Variants in ASTN2 observed in about 807,000 individuals in gnomAD.
ASTN2 encodes astrotactin-2.
ASTN2 carries 54 observed loss-of-function variants against 139.8 expected under a neutral mutation model. The ratio of observed to expected loss-of-function variants is 0.39; its 90% CI spans 0.31 to 0.48. The LOEUF (loss-of-function observed/expected upper bound fraction) is 0.48, where lower values mean the gene tolerates loss of function less well. ASTN2 is among the 20% of genes least tolerant of loss of function. The pLI, the probability that ASTN2 is intolerant of heterozygous loss-of-function variation, is 0.95. For synonymous variants in ASTN2, 756 were observed against 719.5 expected (o/e 1.05, Z -0.81); for missense variants, 1,565 against 1,725.1 (o/e 0.91, Z 1.64).
intron 19 of ASTN2, among the ~76,000 whole-genome samples, chr9:116,538,222 G>A (rs1460884812): frequency 1.3e-5 from 2 of 151,548 alleles, no homozygotes; most frequent in Non-Finnish European, 2.9e-5. Context: ...GAGGGAAGAA[G>A]GGACTGAGAG....
chr9:116,545,393 C>A (rs980049557), intron 19 of ASTN2, among the ~76,000 whole-genome samples: 1 of 152,206 alleles, frequency 6.6e-6, no homozygotes, highest in Admixed American at 6.5e-5. Context: ...ATATTCAATT[C>A]TTTTTCATTT....
chr9:116,624,621 A>G (rs887668403), intron 17 of ASTN2, among the ~76,000 whole-genome samples: 1 of 152,210 alleles, frequency 6.6e-6, no homozygotes, highest in African/African-American at 2.4e-5. Context: ...CACTAAGCCC[A>G]TGAATTAAAT....
intron 20 of ASTN2, among the ~76,000 whole-genome samples, chr9:116,446,610 TTA>T (rs1848007321): frequency 6.6e-6 from 1 of 152,196 alleles, no homozygotes; most frequent in Non-Finnish European, 1.5e-5. Flanking sequence ...CCAAGTCTAC[TTA>T]TGGGATGCTT....
intron 3 of ASTN2, among the ~76,000 whole-genome samples, chr9:117,206,016 G>A (rs1221364744): frequency 6.6e-6 from 1 of 152,198 alleles, no homozygotes; most frequent in African/African-American, 2.4e-5. Flanking sequence ...GGAGCAAGAG[G>A]TATTAGTCAT....
rs1251479559 is a variant in ASTN2 at position 117,032,954 on chromosome 9, A to G, written c.1423+6865T>C. ...AACCATTTAAAATAACCTGAATAAAAAGACATTTTAGCATAGGTATTTTGA... is the reference window on the plus strand; with the variant it reads ...AACCATTTAAAATAACCTGAATAAAGAGACATTTTAGCATAGGTATTTTGA... On this transcript the variant is annotated intron_variant, in intron 6 of 22. Coordinates refer to ENST00000313400, the MANE Select transcript of ASTN2 (RefSeq NM_001365068.1). 3.3e-5 allele frequency among the ~76,000 whole-genome samples: 5 copies of G among 152,272 alleles called. No individual in the cohort carries two copies. In the East Asian group the frequency reaches 9.6e-4, roughly 29 times the overall value.
intron 16 of ASTN2, among the ~76,000 whole-genome samples, chr9:116,687,828 C>T (rs894720309): frequency 7.9e-5 from 12 of 151,746 alleles, no homozygotes; most frequent in Admixed American, 7.9e-4. Flanking sequence ...CTGGCAAGGA[C>T]AGGGTCTGAG....
intron 10 of ASTN2, among the ~76,000 whole-genome samples, chr9:116,923,270 G>A (rs912281221): frequency 6.6e-6 from 1 of 152,174 alleles, no homozygotes; most frequent in African/African-American, 2.4e-5. Context: ...AACATCTGGA[G>A]GTTATCACCA....
chr9:117,249,272 C>A (rs1336768435), intron 2 of ASTN2, among the ~76,000 whole-genome samples: 3 of 152,152 alleles, frequency 2.0e-5, no homozygotes, highest in African/African-American at 7.2e-5. Flanking sequence ...CTGTTCTCCC[C>A]AGTCTTAAAT....
intron 1 of ASTN2, among the ~76,000 whole-genome samples, chr9:117,309,483 G>A (rs562825920): frequency 4.6e-5 from 7 of 152,328 alleles, no homozygotes; most frequent in African/African-American, 1.2e-4. Context: ...CAGGCCATGC[G>A]TTTTTAAGAA....
intron 5 of ASTN2, among the ~76,000 whole-genome samples, chr9:117,079,044 T>C (rs1828354022): frequency 6.6e-6 from 1 of 152,150 alleles, no homozygotes; most frequent in Admixed American, 6.5e-5. Flanking sequence ...CCATCAACTA[T>C]GGTTGCTCCT....
At chr9:117,031,852 A>G (rs904048824) in intron 6 of ASTN2, among the ~76,000 whole-genome samples, 2 of 152,208 alleles carry the variant, frequency 1.3e-5, no homozygotes, top group Admixed American at 1.3e-4. Flanking sequence ...TGCAAAGGCC[A>G]CAATAAGAAG....
intron 10 of ASTN2, among the ~76,000 whole-genome samples, chr9:116,955,423 CA>C (rs1835680338): frequency 6.6e-6 from 1 of 152,186 alleles, no homozygotes; most frequent in Non-Finnish European, 1.5e-5. Context: ...TAAATGAGAC[CA>C]AATATGTTGT....
At chr9:116,756,301 G>A (rs887514594) in intron 13 of ASTN2, among the ~76,000 whole-genome samples, 1 of 152,130 alleles carries the variant, frequency 6.6e-6, no homozygotes, top group African/African-American at 2.4e-5. Context: ...AGATGCCAGA[G>A]CTCATGGTCT....
rs1856844030 is a variant in ASTN2 at position 116,632,285 on chromosome 9, G to GAAAGAAAGAAAT, written c.3073-11843_3073-11842insATTTCTTTCTTT. On this transcript the variant is annotated intron_variant, in intron 17 of 22. Coordinates refer to ENST00000313400, the MANE Select transcript of ASTN2 (RefSeq NM_001365068.1). ...AGAAAGAAAGAAAGAAAGAAAGAAA[G>GAAAGAAAGAAAT]ATCACAAGTACCCCCAAAATATGTA... is the stretch of plus-strand genomic sequence containing the variant. Among the ~76,000 whole-genome samples the GAAAGAAAGAAAT allele has an allele frequency of 2.7e-5, 4 of 146,470 alleles. No individual in the cohort carries two copies. The South Asian group carries it at 8.7e-4, about 32-fold the overall frequency.
At chr9:116,981,899 A>C (rs1030243296) in intron 7 of ASTN2, among the ~76,000 whole-genome samples, 3 of 152,308 alleles carry the variant, frequency 2.0e-5, no homozygotes, top group African/African-American at 7.2e-5. Context: ...ATGGTTTTCT[A>C]TCTGGCTATT....
chr9:116,782,825 G>C (rs879646275), intron 13 of ASTN2, among the ~76,000 whole-genome samples: 7 of 152,062 alleles, frequency 4.6e-5, no homozygotes, highest in Admixed American at 1.3e-4. Flanking sequence ...TCTCAGCTTA[G>C]ACATTAATTT....
chr9:116,481,212 T>C (rs534612097), intron 20 of ASTN2, among the ~76,000 whole-genome samples: 11 of 152,154 alleles, frequency 7.2e-5, no homozygotes, highest in African/African-American at 2.6e-4. Context: ...AAATCCCGTC[T>C]CTACAAAAGA....
rs1354094860 is a variant in ASTN2 at position 116,484,430 on chromosome 9, C to T, written c.3497+2929G>A. 3.3e-5 allele frequency among the ~76,000 whole-genome samples: 5 copies of T among 152,162 alleles called. No homozygotes were observed. In the East Asian group the frequency reaches 9.7e-4, roughly 29 times the overall value. ...CACCCAGCCCTGCGTGTCCCCAAGGCCTGTGCTATTTCTACTGCCGCACAC... is the reference window on the plus strand; with the variant it reads ...CACCCAGCCCTGCGTGTCCCCAAGGTCTGTGCTATTTCTACTGCCGCACAC... On this transcript the variant is annotated intron_variant, in intron 20 of 22. Transcript: ENST00000313400.
At position 116,820,793 on chromosome 9, in the gene ASTN2, G is replaced by A; in HGVS notation, c.2041-10C>T. 2.5e-6 allele frequency: 4 copies of A among 1,610,054 alleles called. No individual in the cohort carries two copies. The highest frequency in any genetic ancestry group is 3.4e-6 in the Non-Finnish European group (4 of 1,177,286). On this transcript the variant is annotated splice_polypyrimidine_tract_variant and intron_variant, in intron 11 of 22. Transcript: ENST00000313400. Reference sequence around the variant, plus strand: ...TCAGCTCCTCAGGGCACTGCTCAGAGAGAGGGCAACAGGGTAGTTATGGCT... The same window carrying A: ...TCAGCTCCTCAGGGCACTGCTCAGAAAGAGGGCAACAGGGTAGTTATGGCT...
Sources: gnomAD v4.1 joint callset for allele counts (sites outside exome capture counted in the v4.1 genomes callset) on GRCh38, gnomAD v4.1.1 for gene constraint, MANE v1.5 for transcripts, NCBI Gene and HGNC (gene_info 2026-07-23, HGNC 2026-07-21) for gene names.